NRG3: variants seen among roughly 807,000 people sequenced by gnomAD.
NRG3 encodes the protein neuregulin 3, also known as pro-neuregulin-3, membrane-bound isoform.
Under a neutral mutation model 66.9 loss-of-function variants are expected in NRG3, and 31 were observed. The ratio of observed to expected loss-of-function variants is 0.46; its 90% confidence interval spans 0.35 to 0.63. NRG3 has a LOEUF of 0.63. Among genes scored for constraint, NRG3 ranks in the 20% least tolerant of loss-of-function variants. NRG3 has a pLI of 0.00. For missense variants in NRG3, 910 were observed against 878.9 expected (o/e 1.04, Z -0.45); for synonymous variants, 393 against 359.4 (o/e 1.09, Z -1.06).
chr10:82,877,485 TTCTGCAGCCTCC>T, intron 4 of NRG3, among the ~76,000 whole-genome samples: 1 of 148,292 alleles, frequency 6.7e-6, no homozygotes, highest in South Asian at 2.2e-4. Flanking sequence ...GTTCAAGCAA[TTCTGCAGCCTCC>T]TGAGTAGCTG....
intron 1 of NRG3, among the ~76,000 whole-genome samples, chr10:82,144,936 C>G (rs972193547): frequency 2.6e-5 from 4 of 152,120 alleles, no homozygotes; most frequent in African/African-American, 9.7e-5. Flanking sequence ...TGAGAATTGC[C>G]CTTTGTTTCT....
intron 3 of NRG3, among the ~76,000 whole-genome samples, chr10:82,835,748 C>T (rs940819309): frequency 6.6e-6 from 1 of 152,178 alleles, no homozygotes; most frequent in Non-Finnish European, 1.5e-5. Context: ...AGGACAGACA[C>T]TCCTTAGAAT....
intron 2 of NRG3, among the ~76,000 whole-genome samples, chr10:82,662,703 G>A (rs2052459938): frequency 6.6e-6 from 1 of 152,160 alleles, no homozygotes; most frequent in Non-Finnish European, 1.5e-5. Context: ...ACCTCTGGGA[G>A]GGAGCATAAC....
At chr10:82,741,201 A>G (rs2058408173) in intron 3 of NRG3, among the ~76,000 whole-genome samples, 1 of 152,192 alleles carries the variant, frequency 6.6e-6, no homozygotes, top group Non-Finnish European at 1.5e-5. Flanking sequence ...TCATTTCATC[A>G]GTATTTTCTC....
At chr10:82,187,971 G>A (rs1038650403) in intron 1 of NRG3, among the ~76,000 whole-genome samples, 8 of 147,826 alleles carry the variant, frequency 5.4e-5, no homozygotes, top group Non-Finnish European at 1.0e-4. Context: ...AAAAAAAAAC[G>A]TAAAATGTAT....
chr10:82,055,155 A>G (rs1453916043), intron 1 of NRG3, among the ~76,000 whole-genome samples: 2 of 152,112 alleles, frequency 1.3e-5, no homozygotes, highest in African/African-American at 2.4e-5. Flanking sequence ...ATAAAATGAA[A>G]TAGAGAGGTC....
At chr10:82,098,290 T>C (rs2066495771) in intron 1 of NRG3, among the ~76,000 whole-genome samples, 1 of 151,428 alleles carries the variant, frequency 6.6e-6, no homozygotes, top group Non-Finnish European at 1.5e-5. Flanking sequence ...ATGTCATTTA[T>C]ATATATGTCA....
chr10:82,649,732 G>C (rs530916674), intron 2 of NRG3, among the ~76,000 whole-genome samples: 54 of 151,934 alleles, frequency 3.6e-4, no homozygotes, highest in Non-Finnish European at 6.3e-4. Context: ...GGGATTATAG[G>C]CATGAGCCAC....
At chr10:82,876,080 G>C (rs761290115) in intron 4 of NRG3, among the ~76,000 whole-genome samples, 1 of 152,168 alleles carries the variant, frequency 6.6e-6, no homozygotes, top group Non-Finnish European at 1.5e-5. Context: ...TTTTGGACAA[G>C]ATTTTAAAAT....
intron 8 of NRG3, among the ~76,000 whole-genome samples, chr10:82,981,018 T>A (rs1239405632): frequency 6.6e-6 from 1 of 152,122 alleles, no homozygotes; most frequent in Non-Finnish European, 1.5e-5. Context: ...ACTTCAGAGA[T>A]TTTGTGAGTG....
intron 2 of NRG3, among the ~76,000 whole-genome samples, chr10:82,416,633 C>T (rs1190183194): frequency 1.3e-5 from 2 of 152,134 alleles, no homozygotes; most frequent in Non-Finnish European, 2.9e-5. Context: ...TAGAGCCCTC[C>T]TGTCTGCTTT....
rs112406073 is a variant in NRG3, at chr10:82,701,759, G to A, written c.954-36818G>A. Reference sequence around the variant, plus strand: ...GCTTTAAAACATGTTATCTCAGAATGTTTAGTCCCCACCAGTGCATCCCAA... The same window carrying A: ...GCTTTAAAACATGTTATCTCAGAATATTTAGTCCCCACCAGTGCATCCCAA... On this transcript the variant is annotated intron_variant, in intron 2 of 8. Transcript: ENST00000372141. Among the ~76,000 whole-genome samples, 786 of 152,252 alleles carry A rather than the reference G, an allele frequency of 5.2e-3. 5 individuals are homozygous for A. The highest frequency in any genetic ancestry group is 0.018 in the African/African-American group (745 of 41,554).
At chr10:82,980,554 G>A (rs1035606072) in intron 8 of NRG3, among the ~76,000 whole-genome samples, 1 of 152,116 alleles carries the variant, frequency 6.6e-6, no homozygotes, top group African/African-American at 2.4e-5. Flanking sequence ...AGATCAAAAC[G>A]GGTTACGTCT....
intron 2 of NRG3, among the ~76,000 whole-genome samples, chr10:82,695,042 G>T (rs2055263687): frequency 6.6e-6 from 1 of 152,138 alleles, no homozygotes; most frequent in East Asian, 1.9e-4. Context: ...TTATAAAATA[G>T]AATATTGTAT....
At chr10:82,546,412 A>T in intron 2 of NRG3, among the ~76,000 whole-genome samples, 1 of 152,188 alleles carries the variant, frequency 6.6e-6, no homozygotes, top group African/African-American at 2.4e-5. Context: ...TAAAAACAAC[A>T]TGGAGCTGGC....
chr10:82,897,249 A>G (rs1843742088), intron 4 of NRG3, among the ~76,000 whole-genome samples: 1 of 152,228 alleles, frequency 6.6e-6, no homozygotes, highest in South Asian at 2.1e-4. Flanking sequence ...CCTTTTGAGA[A>G]AAAAATAGAC....
At chr10:81,999,140 C>G (rs2061065326) in intron 1 of NRG3, among the ~76,000 whole-genome samples, 2 of 152,086 alleles carry the variant, frequency 1.3e-5, no homozygotes, top group Admixed American at 1.3e-4. Flanking sequence ...TTTTTAGATT[C>G]CAAAAATATT....
intron 2 of NRG3, among the ~76,000 whole-genome samples, chr10:82,613,684 ATTTTAT>A (rs1345772535): frequency 6.6e-6 from 1 of 151,566 alleles, no homozygotes; most frequent in African/African-American, 2.4e-5. Flanking sequence ...TTTTTATTTT[ATTTTAT>A]TTTATTATTA....
At chr10:82,044,304 A>C (rs1334043248) in intron 1 of NRG3, among the ~76,000 whole-genome samples, 1 of 152,032 alleles carries the variant, frequency 6.6e-6, no homozygotes, top group South Asian at 2.1e-4. Flanking sequence ...TCAGGAGCTC[A>C]TGGGGCAAGG....
Sources: allele counts gnomAD v4.1 joint callset (sites outside exome capture counted in the v4.1 genomes callset), GRCh38; gene constraint gnomAD v4.1.1; transcripts MANE v1.5; gene names NCBI Gene and HGNC (gene_info 2026-07-23, HGNC 2026-07-21).